The following INPP4B variants were observed in gnomAD, a reference collection of about 807,000 sequenced individuals.
INPP4B encodes inositol polyphosphate 4-phosphatase type II.
In INPP4B, 55 loss-of-function variants were observed where a neutral mutation model predicts 122.5. The ratio of observed to expected loss-of-function variants is 0.45; its 90% confidence interval spans 0.36 to 0.56. The LOEUF is 0.56. Ranked by LOEUF, INPP4B falls within the 20% of genes least tolerant of loss-of-function variation. The pLI, the probability that INPP4B is intolerant of heterozygous loss-of-function variation, is 0.00. For missense variants in INPP4B, 1,000 were observed against 1,097.7 expected, an observed-to-expected ratio of 0.91 and a Z score of 1.26; for synonymous variants, 403 against 388.7, an observed-to-expected ratio of 1.04 and a Z score of -0.43.
At chr4:142,838,745 T>G (rs929538298) in intron 1 of INPP4B, among the ~76,000 whole-genome samples, 2 of 152,208 alleles carry the variant, frequency 1.3e-5, no homozygotes, top group Non-Finnish European at 2.9e-5. Context: ...TCATACATAG[T>G]GGTTATCATC....
intron 7 of INPP4B, among the ~76,000 whole-genome samples, chr4:142,374,441 T>A (rs1279889944): frequency 6.6e-6 from 1 of 151,918 alleles, no homozygotes; most frequent in Non-Finnish European, 1.5e-5. Context: ...ATAGAGAAGA[T>A]TTTTTAGAAG....
Position 142,842,009 on chromosome 4 carries a change from A to T in INPP4B, c.-254+4200T>A, listed in dbSNP as rs567527323. ...GATAGATAGATCGATAGACAGATAG[A>T]TAGATACAGGCTCTCCTTTTAAGGG... On this transcript the variant is annotated intron_variant, in intron 1 of 25. Coordinates refer to ENST00000262992, the MANE Select transcript of INPP4B (RefSeq NM_001101669.3). Among the ~76,000 whole-genome samples the T allele has an allele frequency of 2.2e-4, 34 of 151,998 alleles. No individual in the cohort carries two copies. In the South Asian group the frequency reaches 6.6e-3, roughly 30 times the overall value.
chr4:142,657,516 C>G (rs1467933978), intron 2 of INPP4B, among the ~76,000 whole-genome samples: 2 of 152,110 alleles, frequency 1.3e-5, no homozygotes, highest in Non-Finnish European at 2.9e-5. Context: ...ATTGAAACTA[C>G]TAGAAATAGA....
intron 2 of INPP4B, among the ~76,000 whole-genome samples, chr4:142,595,049 G>A (rs892145009): frequency 1.3e-5 from 2 of 150,344 alleles, no homozygotes; most frequent in Admixed American, 6.6e-5. Context: ...ACTATTAGCT[G>A]TAATGACTTT....
chr4:142,042,225 C>T (rs919695520), intron 25 of INPP4B, among the ~76,000 whole-genome samples: 4 of 152,122 alleles, frequency 2.6e-5, no homozygotes, highest in African/African-American at 9.7e-5. Flanking sequence ...AGCAAAGCAA[C>T]CAATGCACAA....
intron 9 of INPP4B, among the ~76,000 whole-genome samples, chr4:142,293,848 C>T (rs903825249): frequency 5.9e-5 from 9 of 152,230 alleles, no homozygotes; most frequent in Non-Finnish European, 1.3e-4. Context: ...GGATGGTATC[C>T]TCAGTACAAC....
intron 2 of INPP4B, among the ~76,000 whole-genome samples, chr4:142,581,424 CA>C (rs1406746070): frequency 6.6e-6 from 1 of 151,792 alleles, no homozygotes; most frequent in Non-Finnish European, 1.5e-5. Context: ...TACTAGCTTT[CA>C]AATCATCAAG....
At chr4:142,082,355 T>G (rs1476060906) in intron 24 of INPP4B, among the ~76,000 whole-genome samples, 170 bp from the exon 25 acceptor site, 1 of 152,212 alleles carries the variant, frequency 6.6e-6, no homozygotes, top group Non-Finnish European at 1.5e-5. Flanking sequence ...GCATTACCTT[T>G]TCATTTCAAA....
intron 2 of INPP4B, among the ~76,000 whole-genome samples, chr4:142,502,038 G>A (rs1334812082): frequency 2.0e-5 from 3 of 152,120 alleles, no homozygotes; most frequent in East Asian, 1.9e-4. Context: ...AAGCAAGAAG[G>A]TAAAATAACA....
At chr4:142,167,932 C>T (rs35429794) in intron 16 of INPP4B, among the ~76,000 whole-genome samples, 1,854 of 151,046 alleles carry the variant, frequency 0.012, 46 homozygotes, top group African/African-American at 0.043. Context: ...TGCCTGAACT[C>T]GTCTCCATTT....
At chr4:142,158,385 G>A (rs987218845) in intron 17 of INPP4B, among the ~76,000 whole-genome samples, 3 of 152,044 alleles carry the variant, frequency 2.0e-5, no homozygotes, top group African/African-American at 7.2e-5. Context: ...GTAACTGAGG[G>A]CCAACGTTGT....
intron 17 of INPP4B, 92 bp downstream of exon 17, chr4:142,160,266 T>A (rs753220594): frequency 3.1e-5 from 30 of 971,974 alleles, no homozygotes; most frequent in Admixed American, 5.4e-5. Context: ...TTTTTTTCCA[T>A]TTTTTAAAAT....
intron 2 of INPP4B, among the ~76,000 whole-genome samples, chr4:142,561,410 T>G (rs1321835471): frequency 8.6e-5 from 13 of 151,454 alleles, no homozygotes; most frequent in Admixed American, 2.0e-4. Context: ...TTCTTTGTTT[T>G]TTTGTTTGTT....
intron 9 of INPP4B, among the ~76,000 whole-genome samples, chr4:142,298,787 C>T (rs886681435): frequency 1.3e-5 from 2 of 151,428 alleles, no homozygotes; most frequent in African/African-American, 4.9e-5. Context: ...CACTTCTTCT[C>T]AATAATCTCC....
At chr4:142,254,674 A>C (rs1048548943) in intron 11 of INPP4B, among the ~76,000 whole-genome samples, 13 of 152,132 alleles carry the variant, frequency 8.5e-5, no homozygotes, top group Admixed American at 7.9e-4. Context: ...AAAAGAAATG[A>C]ACAAAGCCTC....
chr4:142,278,463 T>C (rs994644780), intron 9 of INPP4B, among the ~76,000 whole-genome samples: 2 of 151,856 alleles, frequency 1.3e-5, no homozygotes, highest in African/African-American at 4.8e-5. Context: ...CTCCACTCTC[T>C]CATGCCCCAG....
chr4:142,760,400 A>G (rs1200360779), intron 1 of INPP4B, among the ~76,000 whole-genome samples: 1 of 152,198 alleles, frequency 6.6e-6, no homozygotes, highest in Non-Finnish European at 1.5e-5. Context: ...AAAAGGATAT[A>G]AATTATCGTA....
intron 11 of INPP4B, among the ~76,000 whole-genome samples, chr4:142,260,017 ACT>A (rs1266368180): frequency 1.3e-5 from 2 of 152,008 alleles, no homozygotes; most frequent in Non-Finnish European, 2.9e-5. Flanking sequence ...ATGGAGTATC[ACT>A]CTGTCTCCAA....
chr4:142,845,314 T>C (rs1784049510), intron 1 of INPP4B, among the ~76,000 whole-genome samples: 1 of 152,054 alleles, frequency 6.6e-6, no homozygotes, highest in African/African-American at 2.4e-5. Context: ...GTATATGTGG[T>C]TCTAGCATCC....
Sources: allele counts gnomAD v4.1 joint callset (sites outside exome capture counted in the v4.1 genomes callset), GRCh38; gene constraint gnomAD v4.1.1; transcripts MANE v1.5; gene names NCBI Gene and HGNC (gene_info 2026-07-23, HGNC 2026-07-21).